KLHL4: variants seen among roughly 807,000 people sequenced by gnomAD.
KLHL4 encodes kelch-like protein 4.
A neutral mutation model predicts 45.8 loss-of-function variants in KLHL4; 17 were observed. That is an observed-to-expected ratio of 0.37 (90% confidence interval 0.25 to 0.56). The LOEUF is 0.56. KLHL4 is among the 20% of genes least tolerant of loss of function. The probability of loss-of-function intolerance (pLI) is 0.79; values close to 1 mark genes in which losing one functional copy is unlikely to be tolerated. For synonymous variants in KLHL4, 224 were observed against 189.9 expected, an observed-to-expected ratio of 1.18 and a Z score of -1.47; for missense variants, 544 against 544.9, an observed-to-expected ratio of 1.00 and a Z score of 0.02.
chrX:87,618,019 C>A lies in KLHL4; in HGVS notation c.815C>A (p.Ser272Tyr). Reference protein sequence around the residue: ...LQLTQVIDVCSNFLIKQLHPS... With the variant: ...LQLTQVIDVCYNFLIKQLHPS... ...CTGACTCAGGTCATTGATGTTTGCT[C>A]CAATTTTCTCATAAAGCAGCTCCAT... The change falls in exon 4 of 11, where the codon TCC (serine) becomes TAC (tyrosine). Residue 272 changes from serine to tyrosine, a missense_variant. Coordinates refer to ENST00000373119, the MANE Select transcript of KLHL4 (RefSeq NM_019117.5). 8.3e-7 allele frequency: 1 copy of A among 1,210,723 alleles called. No homozygotes were observed. The highest frequency in any genetic ancestry group is 1.1e-6 in the Non-Finnish European group (1 of 894,807).
At chrX:87,554,217 C>A (rs6521942) in intron 1 of KLHL4, among the ~76,000 whole-genome samples, 4,314 of 49,322 alleles carry the variant, frequency 0.087, 507 homozygotes, top group East Asian at 0.24. Context: ...TTTTGGTTCC[C>A]TATGAACTTT....
In KLHL4 at chrX:87,622,115, T is replaced by C. The variant is rs184388579; in HGVS notation, c.925-96T>C. 1.8e-5 allele frequency: 10 copies of C among 557,425 alleles called. 1 individual carries two copies. The East Asian group carries it at 3.6e-4, about 20-fold the overall frequency. The allele number at this position is 557,425 out of a possible 1,213,427, so 45.9% of individuals were successfully genotyped here. On this transcript the variant is annotated intron_variant, in intron 4 of 10. Coordinates refer to ENST00000373119, the MANE Select transcript of KLHL4 (RefSeq NM_019117.5). ...GTGAATACATCTGTGTCTCTTGCATTTTCTGAAGTTTAAGAACATGAAATT... is the reference window on the plus strand; with the variant it reads ...GTGAATACATCTGTGTCTCTTGCATCTTCTGAAGTTTAAGAACATGAAATT...
At chrX:87,635,482 C>T (rs775122812) in intron 8 of KLHL4, 81 bp from the exon 9 acceptor site, 398 of 726,735 alleles carry the variant, frequency 5.5e-4, no homozygotes, top group Non-Finnish European at 2.1e-4. Flanking sequence ...AAAGTTCTCT[C>T]ACTCTCATTC....
chrX:87,650,180 A>G (rs1401421653), intron 9 of KLHL4, among the ~76,000 whole-genome samples: 1 of 111,156 alleles, frequency 9.0e-6, no homozygotes, highest in African/African-American at 3.3e-5. Context: ...GGTTCACTGC[A>G]TGCTCCCCAA....
intron 1 of KLHL4, among the ~76,000 whole-genome samples, chrX:87,583,142 G>A (rs1172698322): frequency 8.9e-6 from 1 of 112,181 alleles, no homozygotes; most frequent in Non-Finnish European, 1.9e-5. Flanking sequence ...TAGCTACAGG[G>A]TGTTAATTGG....
chrX:87,544,559 C>T (rs182415708), intron 1 of KLHL4, among the ~76,000 whole-genome samples: 4 of 111,396 alleles, frequency 3.6e-5, no homozygotes, highest in Non-Finnish European at 7.5e-5. Flanking sequence ...ATGGTGGCCA[C>T]AAGGGTATTT....
chrX:87,554,299 T>G (rs1212799297), intron 1 of KLHL4, among the ~76,000 whole-genome samples: 1 of 92,027 alleles, frequency 1.1e-5, no homozygotes, highest in African/African-American at 4.1e-5. Context: ...ATCTATAAAT[T>G]ACCTTGGGCA....
intron 1 of KLHL4, among the ~76,000 whole-genome samples, chrX:87,600,609 G>A (rs1158538915): frequency 9.0e-6 from 1 of 111,692 alleles, no homozygotes; most frequent in Non-Finnish European, 1.9e-5. Flanking sequence ...TTAAGTTTTC[G>A]GAGACCTCCA....
At chrX:87,632,166 T>C in intron 6 of KLHL4, 44 bp from the exon 7 acceptor site, 1 of 841,034 alleles carries the variant, frequency 1.2e-6, no homozygotes, top group Non-Finnish European at 1.7e-6. Flanking sequence ...ATTCAAAATT[T>C]CAATAGAAGT....
chrX:87,572,822 TA>T (rs369143265), intron 1 of KLHL4, among the ~76,000 whole-genome samples: 48 of 97,994 alleles, frequency 4.9e-4, no homozygotes, highest in African/African-American at 1.2e-3. Context: ...AAGGAAAACT[TA>T]AAAAAAAAAA....
intron 1 of KLHL4, among the ~76,000 whole-genome samples, chrX:87,580,745 T>C (rs910305566): frequency 1.8e-5 from 2 of 112,295 alleles, no homozygotes; most frequent in East Asian, 2.8e-4. Context: ...GGGAAATAGA[T>C]AGCAATACAA....
intron 1 of KLHL4, among the ~76,000 whole-genome samples, chrX:87,535,739 A>G (rs1189407980): frequency 9.0e-6 from 1 of 110,609 alleles, no homozygotes; most frequent in Non-Finnish European, 1.9e-5. Context: ...GTAATCTCCA[A>G]TGCTGGGAGT....
chrX:87,590,304 C>A (rs1052357703), intron 1 of KLHL4, among the ~76,000 whole-genome samples: 1 of 109,195 alleles, frequency 9.2e-6, no homozygotes, highest in African/African-American at 3.3e-5. Flanking sequence ...ATCAGCCAAA[C>A]CCCCCCAGAA....
intron 1 of KLHL4, among the ~76,000 whole-genome samples, chrX:87,572,128 T>A (rs1343708317): frequency 2.7e-5 from 3 of 111,531 alleles, no homozygotes; most frequent in Non-Finnish European, 5.7e-5. Flanking sequence ...TATTTGTGGT[T>A]CTTGGTAAAG....
chrX:87,559,659 C>G (rs1932053605), intron 1 of KLHL4, among the ~76,000 whole-genome samples: 1 of 111,581 alleles, frequency 9.0e-6, no homozygotes, highest in Admixed American at 9.6e-5. Flanking sequence ...AACAACTACT[C>G]TATTGATGAA....
intron 1 of KLHL4, among the ~76,000 whole-genome samples, chrX:87,596,622 AG>A (rs938813408): frequency 5.3e-5 from 6 of 112,189 alleles, no homozygotes; most frequent in African/African-American, 1.9e-4. Flanking sequence ...CAAGAGTTGC[AG>A]GGGGTAGCTG....
At chrX:87,651,822 G>A (rs1923823836) in intron 9 of KLHL4, among the ~76,000 whole-genome samples, 2 of 112,157 alleles carry the variant, frequency 1.8e-5, no homozygotes, top group Admixed American at 1.9e-4. Flanking sequence ...AGGACCTGAA[G>A]GACAGTGGCC....
intron 4 of KLHL4, among the ~76,000 whole-genome samples, chrX:87,619,512 A>C (rs1467034990): frequency 2.7e-5 from 3 of 111,677 alleles, no homozygotes; most frequent in Non-Finnish European, 5.6e-5. Flanking sequence ...TCCTAAATAC[A>C]GATGCCATAT....
At chrX:87,551,587 G>GTAGATAGATAGATAGATAGA (rs780160650) in intron 1 of KLHL4, among the ~76,000 whole-genome samples, 561 of 107,510 alleles carry the variant, frequency 5.2e-3, no homozygotes, top group African/African-American at 0.017. Context: ...AAATAGATAG[G>GTAGATAGATAGATAGATAGA]TAGATAGATA....
Sources: allele counts gnomAD v4.1 joint callset (sites outside exome capture counted in the v4.1 genomes callset), GRCh38; gene constraint gnomAD v4.1.1; transcripts MANE v1.5; gene names NCBI Gene and HGNC (gene_info 2026-07-23, HGNC 2026-07-21).